HCN1: variants seen among roughly 807,000 people sequenced by gnomAD.
HCN1 encodes hyperpolarization activated cyclic nucleotide gated potassium channel 1.
Under a neutral mutation model 78.9 loss-of-function variants are expected in HCN1, and 13 were observed. That is an observed-to-expected ratio of 0.16 (90% CI 0.11 to 0.26). The LOEUF (loss-of-function observed/expected upper bound fraction) is 0.26. Among genes scored for constraint, HCN1 ranks in the 10% least tolerant of loss-of-function variants. The pLI, the probability that HCN1 is intolerant of heterozygous loss-of-function variation, is 1.00. For missense variants in HCN1, 810 were observed against 1,154.3 expected (o/e 0.70, Z 4.32); for synonymous variants, 552 against 455.5 (o/e 1.21, Z -2.70).
At chr5:45,555,761 CAAAAAG>C (rs1743455779) in intron 2 of HCN1, among the ~76,000 whole-genome samples, 1 of 151,340 alleles carries the variant, frequency 6.6e-6, no homozygotes, top group Non-Finnish European at 1.5e-5. Context: ...CCATCCTGAG[CAAAAAG>C]AACAAAACTG....
chr5:45,647,150 T>G (rs1201083606), intron 1 of HCN1, among the ~76,000 whole-genome samples: 2 of 152,202 alleles, frequency 1.3e-5, no homozygotes, highest in East Asian at 3.9e-4. Flanking sequence ...TTTTGAAGAT[T>G]TCACCAGTAT....
At chr5:45,551,774 A>G (rs759886398) in intron 2 of HCN1, among the ~76,000 whole-genome samples, 43 of 151,972 alleles carry the variant, frequency 2.8e-4, no homozygotes, top group Admixed American at 1.8e-3. Context: ...TAAAGGATTT[A>G]TAACAAAAAC....
At chr5:45,640,552 T>A (rs1745433724) in intron 2 of HCN1, among the ~76,000 whole-genome samples, 1 of 151,958 alleles carries the variant, frequency 6.6e-6, no homozygotes, top group African/African-American at 2.4e-5. Flanking sequence ...TAGAATACCT[T>A]CTGGAAATGA....
chr5:45,499,269 C>T (rs969639920), intron 2 of HCN1, among the ~76,000 whole-genome samples: 3 of 152,156 alleles, frequency 2.0e-5, no homozygotes, highest in Admixed American at 1.3e-4. Context: ...CTCCAAGCCA[C>T]GTGCAGGATA....
At chr5:45,539,933 T>G (rs1183009639) in intron 2 of HCN1, among the ~76,000 whole-genome samples, 4 of 45,136 alleles carry the variant, frequency 8.9e-5, no homozygotes, top group South Asian at 7.7e-4. Flanking sequence ...TATATATATA[T>G]ATATATATAT....
Position 45,284,194 on chromosome 5 carries a change from G to A in HCN1, c.1619-16941C>T, listed in dbSNP as rs182392405. Among the ~76,000 whole-genome samples the A allele has an allele frequency of 1.5e-3, 232 of 152,146 alleles. No individual in the cohort carries two copies. The Middle Eastern group carries it at 0.031, about 20-fold the overall frequency. On this transcript the variant is annotated intron_variant, in intron 6 of 7. Coordinates refer to ENST00000303230, the MANE Select transcript of HCN1 (RefSeq NM_021072.4). ...GGATAACAATTGGGTATTAGGCTTG[G>A]TACCTGGGTGATGAAATAATCTGCA...
At chr5:45,476,169 C>CTG in intron 2 of HCN1, among the ~76,000 whole-genome samples, 1 of 152,226 alleles carries the variant, frequency 6.6e-6, no homozygotes, top group Admixed American at 6.6e-5. Context: ...AACCCTCTCT[C>CTG]TTTCACTCTC....
intron 2 of HCN1, among the ~76,000 whole-genome samples, chr5:45,630,649 T>C (rs936016764): frequency 6.6e-6 from 1 of 152,280 alleles, no homozygotes; most frequent in African/African-American, 2.4e-5. Context: ...TCTTGAAAAA[T>C]CCCTTACATG....
rs996897194 is a variant in HCN1, at chr5:45,256,725, T to C, written c.*5196A>G. ...TAAACACTGCAGGTATGTAAGTATA[T>C]ACTGGTCAATTAAAAAAATTTTTTT... On this transcript the variant is annotated 3_prime_UTR_variant, in exon 8 of 8. Coordinates refer to ENST00000303230, the MANE Select transcript of HCN1 (RefSeq NM_021072.4). The C allele has an allele frequency of 6.6e-6, 1 of 152,160 alleles. No homozygotes were observed. The highest frequency in any genetic ancestry group is 6.5e-5 in the Admixed American group (1 of 15,278). 9.4% of individuals were successfully genotyped at this position (152,160 alleles called of 1,614,324 possible).
chr5:45,693,781 G>A (rs922460582), intron 1 of HCN1, among the ~76,000 whole-genome samples: 1 of 151,602 alleles, frequency 6.6e-6, no homozygotes, highest in Non-Finnish European at 1.5e-5. Flanking sequence ...ATTTTGATAA[G>A]GGATAGTCCT....
At chr5:45,672,198 T>C (rs1192470120) in intron 1 of HCN1, among the ~76,000 whole-genome samples, 2 of 151,748 alleles carry the variant, frequency 1.3e-5, no homozygotes, top group Non-Finnish European at 1.5e-5. Flanking sequence ...TAAAGCAAAA[T>C]GTGAACATGT....
chr5:45,622,432 A>G (rs1168206704), intron 2 of HCN1, among the ~76,000 whole-genome samples: 1 of 152,164 alleles, frequency 6.6e-6, no homozygotes, highest in Non-Finnish European at 1.5e-5. Context: ...AAAATTCACC[A>G]TTAAAGTCTA....
rs775703034 is a variant in HCN1, at chr5:45,508,544, G to GA, written c.850-46538dup. 3.3e-4 allele frequency among the ~76,000 whole-genome samples: 50 copies of GA among 151,794 alleles called. No individual in the cohort carries two copies. In the East Asian group the frequency reaches 3.5e-3, roughly 11 times the overall value. ...AAACATTAGGCACTGTCTTTTCTGG[G>GA]AAAAAAATAGGGAAAGAAAAGACAA... On this transcript the variant is annotated intron_variant, in intron 2 of 7. Coordinates refer to ENST00000303230, the MANE Select transcript of HCN1 (RefSeq NM_021072.4).
intron 6 of HCN1, among the ~76,000 whole-genome samples, chr5:45,297,527 C>T (rs755464657): frequency 6.6e-6 from 1 of 151,964 alleles, no homozygotes; most frequent in Non-Finnish European, 1.5e-5. Flanking sequence ...GTAAATTCTA[C>T]CAAATATTTA....
chr5:45,578,551 C>T (rs1002083683), intron 2 of HCN1, among the ~76,000 whole-genome samples: 3 of 152,038 alleles, frequency 2.0e-5, no homozygotes, highest in Non-Finnish European at 4.4e-5. Flanking sequence ...GTCACACTGT[C>T]TTTAAGCCAA....
At chr5:45,673,104 T>A (rs1414109735) in intron 1 of HCN1, among the ~76,000 whole-genome samples, 1 of 151,496 alleles carries the variant, frequency 6.6e-6, no homozygotes, top group Non-Finnish European at 1.5e-5. Flanking sequence ...TCAGATTATT[T>A]TTCTTCTTGA....
intron 7 of HCN1, among the ~76,000 whole-genome samples, chr5:45,263,016 C>T (rs1561079617): frequency 6.6e-6 from 1 of 152,248 alleles, no homozygotes; most frequent in East Asian, 1.9e-4. Flanking sequence ...TTACCTTCTA[C>T]TCAAGTTGAA....
intron 2 of HCN1, among the ~76,000 whole-genome samples, chr5:45,582,237 T>C (rs1201632733): frequency 1.3e-5 from 2 of 152,082 alleles, no homozygotes; most frequent in Non-Finnish European, 2.9e-5. Flanking sequence ...GGTCCTTCAC[T>C]CCCTTATAAG....
intron 4 of HCN1, among the ~76,000 whole-genome samples, chr5:45,365,301 G>A (rs1747211805): frequency 6.6e-6 from 1 of 151,628 alleles, no homozygotes; most frequent in Non-Finnish European, 1.5e-5. Context: ...CGAAACTATT[G>A]AACATAGTAC....
Sources: gnomAD v4.1 joint callset for allele counts (sites outside exome capture counted in the v4.1 genomes callset) on GRCh38, gnomAD v4.1.1 for gene constraint, MANE v1.5 for transcripts, NCBI Gene and HGNC (gene_info 2026-07-23, HGNC 2026-07-21) for gene names.